Variants in RGS7 observed in about 807,000 individuals in gnomAD.
The protein encoded by RGS7 is regulator of G protein signaling 7.
In RGS7, 27 loss-of-function variants were observed where a neutral mutation model predicts 81.1. The observed-to-expected ratio is 0.33, with a 90% CI of 0.25 to 0.46. The LOEUF is 0.46. Ranked by LOEUF, RGS7 falls within the 20% of genes least tolerant of loss-of-function variation. The pLI, the probability that RGS7 is intolerant of heterozygous loss-of-function variation, is 1.00. For missense variants in RGS7, 396 were observed against 607.4 expected (o/e 0.65, Z 3.66); for synonymous variants, 208 against 207.7 (o/e 1.00, Z -0.01).
At chr1:241,203,140 C>T (rs2073640719) in intron 2 of RGS7, among the ~76,000 whole-genome samples, 1 of 152,020 alleles carries the variant, frequency 6.6e-6, no homozygotes, top group South Asian at 2.1e-4. Context: ...TCATTGAAAC[C>T]CAGGCCATAA....
At chr1:241,117,140 A>G (rs1022274453) in intron 2 of RGS7, among the ~76,000 whole-genome samples, 1 of 152,220 alleles carries the variant, frequency 6.6e-6, no homozygotes, top group African/African-American at 2.4e-5. Flanking sequence ...TTCTTTTCAA[A>G]TAAAATATAA....
chr1:241,294,802 C>T (rs6429256), intron 2 of RGS7, among the ~76,000 whole-genome samples: 25,514 of 152,180 alleles, frequency 0.17, 2,340 homozygotes, highest in African/African-American at 0.22. Context: ...GAGAGCAATA[C>T]GCTTCCAGGT....
chr1:241,169,221 T>C (rs977266478), intron 2 of RGS7, among the ~76,000 whole-genome samples: 2 of 152,094 alleles, frequency 1.3e-5, no homozygotes, highest in Non-Finnish European at 2.9e-5. Context: ...GAAAATGATA[T>C]ACATGTATCT....
chr1:240,785,060 A>G (rs1004903224), intron 18 of RGS7, among the ~76,000 whole-genome samples: 43 of 152,308 alleles, frequency 2.8e-4, no homozygotes, highest in African/African-American at 1.0e-3. Flanking sequence ...CACTTATTGA[A>G]CCAGGGATAG....
chr1:241,277,650 A>G (rs2078269449), intron 2 of RGS7, among the ~76,000 whole-genome samples: 1 of 151,786 alleles, frequency 6.6e-6, no homozygotes, highest in African/African-American at 2.4e-5. Context: ...ATGCACTTTG[A>G]ACAAGCCAGG....
At chr1:241,280,505 C>T (rs2078440909) in intron 2 of RGS7, among the ~76,000 whole-genome samples, 1 of 152,184 alleles carries the variant, frequency 6.6e-6, no homozygotes, top group Non-Finnish European at 1.5e-5. Context: ...AGTTTTTGGT[C>T]TTTGTTTTTT....
chr1:241,057,960 G>A (rs2061554966), intron 3 of RGS7, among the ~76,000 whole-genome samples: 1 of 152,168 alleles, frequency 6.6e-6, no homozygotes. Flanking sequence ...GCATGAGTAG[G>A]GGAGGTGAGG....
At chr1:240,784,537 T>C (rs903384633) in intron 18 of RGS7, among the ~76,000 whole-genome samples, 1 of 151,300 alleles carries the variant, frequency 6.6e-6, no homozygotes, top group East Asian at 2.0e-4. Flanking sequence ...TCCCAGCTAC[T>C]CAGGAGGCTG....
intron 2 of RGS7, among the ~76,000 whole-genome samples, chr1:241,234,356 G>A (rs1169053416): frequency 1.3e-5 from 2 of 152,204 alleles, no homozygotes; most frequent in Non-Finnish European, 2.9e-5. Context: ...CCATATTTCT[G>A]GCCCCGCTTG....
intron 9 of RGS7, among the ~76,000 whole-genome samples, chr1:240,837,611 A>T (rs557650973): frequency 6.6e-6 from 1 of 152,292 alleles, no homozygotes; most frequent in East Asian, 1.9e-4. Flanking sequence ...TTTTACTTTA[A>T]CACTTAACAT....
intron 3 of RGS7, among the ~76,000 whole-genome samples, chr1:241,010,017 T>C (rs200838048): frequency 1.3e-5 from 2 of 152,000 alleles, no homozygotes; most frequent in Non-Finnish European, 2.9e-5. Context: ...GGGAACATCA[T>C]ACACCGGGGC....
intron 3 of RGS7, among the ~76,000 whole-genome samples, chr1:241,069,090 A>G (rs2062271257): frequency 6.6e-6 from 1 of 152,148 alleles, no homozygotes; most frequent in South Asian, 2.1e-4. Context: ...AGCCTGCAGA[A>G]CCGTGAGCCA....
chr1:241,349,176 G>T (rs2083085667), intron 2 of RGS7, among the ~76,000 whole-genome samples: 1 of 152,068 alleles, frequency 6.6e-6, no homozygotes, highest in Non-Finnish European at 1.5e-5. Flanking sequence ...TTAAAAAACT[G>T]CAGTGAAAGA....
chr1:240,841,541 C>T (rs1657994780), intron 9 of RGS7, among the ~76,000 whole-genome samples: 1 of 151,940 alleles, frequency 6.6e-6, no homozygotes, highest in South Asian at 2.1e-4. Context: ...AAGCTAATAA[C>T]GCCTCTTCTA....
chr1:241,196,474 A>T (rs2073082917), intron 2 of RGS7, among the ~76,000 whole-genome samples: 1 of 152,124 alleles, frequency 6.6e-6, no homozygotes, highest in Non-Finnish European at 1.5e-5. Context: ...AAAATATTTG[A>T]CCAGCTAACA....
chr1:240,834,668 G>A (rs1694396425), intron 9 of RGS7, among the ~76,000 whole-genome samples: 1 of 151,898 alleles, frequency 6.6e-6, no homozygotes. Context: ...CCGCCACCAC[G>A]CCCAGCTAAT....
At chr1:241,133,872 C>A (rs924499142) in intron 2 of RGS7, among the ~76,000 whole-genome samples, 3 of 152,014 alleles carry the variant, frequency 2.0e-5, no homozygotes, top group Non-Finnish European at 4.4e-5. Flanking sequence ...TGAAAGAATT[C>A]AAAAACTAGC....
At chr1:240,882,005 C>T (rs1666487182) in intron 6 of RGS7, among the ~76,000 whole-genome samples, 1 of 151,874 alleles carries the variant, frequency 6.6e-6, no homozygotes, top group Non-Finnish European at 1.5e-5. Context: ...ATCTCCACCT[C>T]CCTGGTTCAA....
At chr1:241,185,964 G>A (rs1196564716) in intron 2 of RGS7, among the ~76,000 whole-genome samples, 4 of 151,964 alleles carry the variant, frequency 2.6e-5, no homozygotes, top group East Asian at 1.9e-4. Flanking sequence ...AAGAAATAAC[G>A]AAGTTAACTG....
Sources: gnomAD v4.1 joint callset for allele counts (sites outside exome capture counted in the v4.1 genomes callset) on GRCh38, gnomAD v4.1.1 for gene constraint, MANE v1.5 for transcripts, NCBI Gene and HGNC (gene_info 2026-07-23, HGNC 2026-07-21) for gene names.